Variants in DNAH10 observed in about 807,000 individuals in gnomAD.
DNAH10 encodes the protein dynein axonemal heavy chain 10.
A neutral mutation model predicts 506.6 loss-of-function variants in DNAH10; 348 were observed. The observed-to-expected ratio is 0.69, with a 90% CI of 0.63 to 0.75. DNAH10 has a LOEUF of 0.75. Ranked by LOEUF, DNAH10 falls within the 30% of genes least tolerant of loss-of-function variation. The pLI is 0.00. For synonymous variants in DNAH10, 2,059 were observed against 2,198.6 expected, an observed-to-expected ratio of 0.94 and a Z score of 1.78; for missense variants, 5,179 against 5,787.1, an observed-to-expected ratio of 0.89 and a Z score of 3.41.
chr12:123,846,000 A>T lies in DNAH10; in HGVS notation c.5660A>T (p.Glu1887Val). 1 of 1,613,826 alleles carries T rather than the reference A, an allele frequency of 6.2e-7. No homozygotes were observed. The highest frequency in any genetic ancestry group is 8.5e-7 in the Non-Finnish European group (1 of 1,179,860). The change falls in exon 32 of 79, where the codon GAA becomes GTA. Residue 1887 changes from glutamate (E) to valine (V), a missense_variant. Physicochemically the swap from Glu to Val is moderately radical, Grantham distance 121. Coordinates refer to ENST00000673944, the MANE Select transcript of DNAH10 (RefSeq NM_001372106.1). ...SILEAREFDW[E>V]SQLRFYWDRE... ...CTGGAGGCCCGAGAGTTTGACTGGG[A>T]AAGTCAGTTGCGGTTTTATTGGGAC...
At position 123,918,850 on chromosome 12, in the gene DNAH10, C is replaced by T. The variant is rs865872861; in HGVS notation, c.11407C>T (p.Leu3803=). The T allele has an allele frequency of 6.2e-7, 1 of 1,613,944 alleles. No individual in the cohort carries two copies. The highest frequency in any genetic ancestry group is 1.6e-4 in the Middle Eastern group (1 of 6,062). ...SLIAFLEVFR[L]SLKKSLPDSI... ...GATTGCCTTCTTAGAGGTCTTCAGG[C>T]TGTCACTGAAGAAGTCGCTGCCTGA... Residue 3803 remains leucine (L), a synonymous_variant, in exon 65 of 79, where the codon CTG becomes TTG. Transcript: ENST00000673944.
chr12:123,830,576 T>G lies in DNAH10; in HGVS notation c.4422T>G (p.Ser1474=), dbSNP rs779544592. 3.7e-6 allele frequency: 6 copies of G among 1,613,748 alleles called. No homozygotes were observed. The highest frequency in any genetic ancestry group is 3.4e-6 in the Non-Finnish European group (4 of 1,179,790). ...RHWKELMEKT[S]VFFEMTETFT... Reference sequence around the variant, plus strand: ...GGAAAGAACTTATGGAAAAAACGTCTGTCTTTTTTGAAATGACCGAAACGT... The same window carrying G: ...GGAAAGAACTTATGGAAAAAACGTCGGTCTTTTTTGAAATGACCGAAACGT... The change falls in exon 26 of 79, where the codon TCT becomes TCG. Residue 1474 remains serine, a synonymous_variant. Transcript: ENST00000673944.
chr12:123,809,514 G>A (rs1238243401), intron 19 of DNAH10, among the ~76,000 whole-genome samples: 2 of 152,072 alleles, frequency 1.3e-5, no homozygotes, highest in African/African-American at 4.8e-5. Flanking sequence ...GCTAGGCGTG[G>A]TGGTGCACAC....
In DNAH10 at chr12:123,917,455, G is replaced by A; in HGVS notation, c.11003-129G>A. ...TGCTGCTCTAGAGTGACTTTGGTGG[G>A]CAGTGAATCCTCGTGCCTCTGGCCT... On this transcript the variant is annotated intron_variant, in intron 63 of 78. Transcript: ENST00000673944. This position sits in a 1 kb window ranked among gnomAD's most constrained non-coding sequence, Gnocchi z 5.6. 2.3e-6 allele frequency: 2 copies of A among 862,416 alleles called. No individual in the cohort carries two copies. The highest frequency in any genetic ancestry group is 3.6e-6 in the Non-Finnish European group (2 of 560,984). 53.4% of individuals were successfully genotyped at this position (862,416 alleles called of 1,614,324 possible). A position where few individuals can be genotyped will look rare whatever the true frequency, so the allele number is the denominator to read the frequency against.
intron 44 of DNAH10, among the ~76,000 whole-genome samples, chr12:123,870,823 A>G (rs927194268): frequency 6.6e-6 from 1 of 152,182 alleles, no homozygotes; most frequent in Non-Finnish European, 1.5e-5. Flanking sequence ...GGTGGGGACT[A>G]GACGGCAACG....
At chr12:123,897,716 C>A (rs1485949256) in intron 54 of DNAH10, 54 bp from the exon 55 acceptor site, 1 of 1,579,512 alleles carries the variant, frequency 6.3e-7, no homozygotes, top group African/African-American at 1.4e-5. Flanking sequence ...CAGAGTGAGA[C>A]CCTGTGTCGA....
intron 25 of DNAH10, among the ~76,000 whole-genome samples, chr12:123,829,086 G>A (rs961031397): frequency 2.0e-5 from 3 of 152,162 alleles, no homozygotes; most frequent in African/African-American, 4.8e-5. Context: ...TTGCAAGGCC[G>A]CCAAGCAAGG....
intron 65 of DNAH10, among the ~76,000 whole-genome samples, chr12:123,921,150 T>C (rs1954703518): frequency 6.6e-6 from 1 of 152,186 alleles, no homozygotes. Flanking sequence ...TGTGCTCGCC[T>C]CTCTGTAGTG....
intron 15 of DNAH10, among the ~76,000 whole-genome samples, chr12:123,800,703 A>C (rs918809713): frequency 1.3e-5 from 2 of 151,910 alleles, no homozygotes; most frequent in African/African-American, 4.8e-5. Flanking sequence ...AAAGAAGAAA[A>C]AAAAATTGAA....
intron 11 of DNAH10, among the ~76,000 whole-genome samples, chr12:123,791,480 T>C (rs1462257231): frequency 6.6e-6 from 1 of 152,270 alleles, no homozygotes; most frequent in African/African-American, 2.4e-5. Context: ...TACTTGGTTA[T>C]ATAGACATTG....
intron 18 of DNAH10, among the ~76,000 whole-genome samples, chr12:123,807,477 C>T (rs932946865): frequency 6.6e-6 from 1 of 151,958 alleles, no homozygotes; most frequent in African/African-American, 2.4e-5. Context: ...TTAGTAGAGA[C>T]CTGAAGATGA....
rs758016401 is a variant in DNAH10, at chr12:123,787,867, A to G, written c.1485A>G (p.Lys495=). 6.2e-6 allele frequency: 10 copies of G among 1,614,086 alleles called. No individual in the cohort carries two copies. The highest frequency in any genetic ancestry group is 8.5e-6 in the Non-Finnish European group (10 of 1,180,004). The change falls in exon 10 of 79, where the codon AAA becomes AAG. Residue 495 remains lysine (K), a synonymous_variant. Transcript: ENST00000673944. This position sits in a 1 kb window ranked among gnomAD's most constrained non-coding sequence, Gnocchi z 4.6. ...LEARNTLRLW[K]KAYFDTRAKI... ...CCAGGAACACCCTCAGGCTGTGGAA[A>G]AAGGCCTATTTTGACACCCGGGCCA...
At position 123,871,766 on chromosome 12, in the gene DNAH10, C is replaced by G. The variant is rs562875784; in HGVS notation, c.7785+164C>G. Among the ~76,000 whole-genome samples the G allele has an allele frequency of 6.6e-5, 10 of 152,300 alleles. No individual in the cohort carries two copies. In the South Asian group the frequency reaches 1.0e-3, roughly 16 times the overall value. The stretch of plus-strand genomic sequence containing the variant: ...GCTCAGGCTCTCATGGGATTGCAGT[C>G]AAGCTGTTGGCCAGGGCTGTAGATA... On this transcript the variant is annotated intron_variant, in intron 45 of 78. Coordinates refer to ENST00000673944, the MANE Select transcript of DNAH10 (RefSeq NM_001372106.1).
rs775906990 is a variant in DNAH10 at position 123,857,096 on chromosome 12, C to T, written c.6479C>T (p.Pro2160Leu). Residue 2160 changes from proline to leucine, a missense_variant, in exon 37 of 79, where the codon CCC (proline) becomes CTC (leucine). Coordinates refer to ENST00000673944, the MANE Select transcript of DNAH10 (RefSeq NM_001372106.1). ...AGGGCCTTGCGAGACATGAACTTGC[C>T]CAAATTTGTGTTTGAAGATGTTCCT... Reference protein sequence around the residue: ...LMRALRDMNLPKFVFEDVPLF... With the variant: ...LMRALRDMNLLKFVFEDVPLF... 78 of 1,612,886 alleles carry T rather than the reference C, an allele frequency of 4.8e-5. No homozygotes were observed. The highest frequency in any genetic ancestry group is 6.1e-5 in the Non-Finnish European group (72 of 1,179,506).
At chr12:123,801,903 C>T (rs1408222369) in intron 16 of DNAH10, among the ~76,000 whole-genome samples, 1 of 152,232 alleles carries the variant, frequency 6.6e-6, no homozygotes, top group Non-Finnish European at 1.5e-5. Context: ...CCACTTCCCT[C>T]CCATCCTTGC....
intron 30 of DNAH10, 56 bp from the exon 31 acceptor site, chr12:123,845,544 T>C: frequency 6.3e-7 from 1 of 1,590,986 alleles, no homozygotes; most frequent in Non-Finnish European, 8.6e-7. Context: ...AGGGACTGTT[T>C]TGGGTACCAG....
At chr12:123,847,405 G>A (rs946214012) in intron 32 of DNAH10, among the ~76,000 whole-genome samples, 2 of 152,054 alleles carry the variant, frequency 1.3e-5, no homozygotes, top group Non-Finnish European at 2.9e-5. Context: ...TGATGATAGG[G>A]TCTGATTACT....
Position 123,881,768 on chromosome 12 carries a change from GA to G in DNAH10, c.8780del (p.Lys2927SerfsTer21). On this transcript the variant is annotated frameshift_variant, in exon 51 of 79. Transcript: ENST00000673944. LOFTEE classifies it high-confidence loss of function. The stretch of plus-strand genomic sequence containing the variant: ...TGCTGGTCGGGGTAGGGGGCTCAGG[GA>G]AGCAGTCTCTTTCGAGGCTGGCTGC... ...ALLVGVGGSGKQSLSRLAAFT... is the reference protein window; with the variant it reads ...ALLVGVGGSGXQSLSRLAAFT... The G allele has an allele frequency of 6.5e-7, 1 of 1,531,554 alleles. No homozygotes were observed. The highest frequency in any genetic ancestry group is 1.2e-5 in the South Asian group (1 of 81,640). The allele number at this position is 1,531,554 out of a possible 1,614,324, so 94.9% of individuals were successfully genotyped here. A position where few individuals can be genotyped will look rare whatever the true frequency, so the allele number is the denominator to read the frequency against.
chr12:123,865,159 A>G (rs1442703823), intron 40 of DNAH10, among the ~76,000 whole-genome samples: 6 of 152,254 alleles, frequency 3.9e-5, no homozygotes, highest in Admixed American at 1.3e-4. Context: ...ACCAACTAAT[A>G]TACTACGATT....
Sources: allele counts gnomAD v4.1 joint callset (sites outside exome capture counted in the v4.1 genomes callset), GRCh38; gene constraint gnomAD v4.1.1; non-coding constraint Gnocchi (gnomAD v3.1); transcripts MANE v1.5; gene names NCBI Gene and HGNC (gene_info 2026-07-23, HGNC 2026-07-21).